SLC6A17: variants seen among roughly 807,000 people sequenced by gnomAD.
The protein encoded by SLC6A17 is sodium-dependent neutral amino acid transporter SLC6A17.
SLC6A17 carries 21 observed loss-of-function variants against 64.5 expected under a neutral mutation model. The observed-to-expected ratio is 0.33, with a 90% CI of 0.23 to 0.47. The LOEUF is 0.47. SLC6A17 is among the 20% of genes least tolerant of loss of function. The pLI is 1.00. For synonymous variants in SLC6A17, 372 were observed against 399.5 expected (o/e 0.93, Z 0.82); for missense variants, 682 against 963.2 (o/e 0.71, Z 3.86).
intron 11 of SLC6A17, 131 bp downstream of exon 11, chr1:110,197,730 C>T (rs1225335160): frequency 9.3e-7 from 1 of 1,077,542 alleles, no homozygotes; most frequent in East Asian, 2.6e-5. Context: ...CACACCTAAA[C>T]CGCAATCTTA....
chr1:110,200,279 C>T lies in SLC6A17; in HGVS notation c.*1835C>T, dbSNP rs1350079376. ...AGCTTCCCCTTTCTAGCCCCCTCTG[C>T]CCTACCTGTCTTTCCTGAGTGTTTG... On this transcript the variant is annotated 3_prime_UTR_variant, in exon 12 of 12. Coordinates refer to ENST00000331565, the MANE Select transcript of SLC6A17 (RefSeq NM_001010898.4). The T allele has an allele frequency of 1.3e-5, 5 of 393,404 alleles. No homozygotes were observed. Among genetic ancestry groups the T allele is most frequent in the African/African-American group, 2.1e-5 (1 of 48,304 alleles). 24.4% of individuals were successfully genotyped at this position (393,404 alleles called of 1,614,324 possible).
In SLC6A17 at chr1:110,198,280, C is replaced by T. The variant is rs895234152; in HGVS notation, c.2020C>T (p.Arg674Cys). The change falls in exon 12 of 12, where the codon CGC becomes TGC. Residue 674 changes from arginine to cysteine, a missense_variant. Around this residue, in one of 3 missense-constraint regions of SLC6A17, gnomAD observed 264 missense variants for 339.5 expected, o/e 0.78. Transcript: ENST00000331565. ...CAACCTGGAGGAGAACGATGAGACCCGCTTCATCCTCAGCAAGGTGCCCAG... is the reference window on the plus strand; with the variant it reads ...CAACCTGGAGGAGAACGATGAGACCTGCTTCATCCTCAGCAAGGTGCCCAG... ...ISNLEENDETRFILSKVPSEA... is the reference protein window; with the variant it reads ...ISNLEENDETCFILSKVPSEA... 1.2e-6 allele frequency: 2 copies of T among 1,614,166 alleles called. No homozygotes were observed. Among genetic ancestry groups the T allele is most frequent in the Non-Finnish European group, 1.7e-6 (2 of 1,180,028 alleles).
intron 2 of SLC6A17, among the ~76,000 whole-genome samples, chr1:110,171,657 A>C (rs1656228251): frequency 6.6e-6 from 1 of 151,366 alleles, no homozygotes. Flanking sequence ...CCCCCATGCC[A>C]TCTGGGGCTG....
At position 110,194,700 on chromosome 1, in the gene SLC6A17, T is replaced by C; in HGVS notation, c.1421T>C (p.Met474Thr). The change falls in exon 9 of 12, where the codon ATG (methionine) becomes ACG (threonine). Residue 474 changes from methionine to threonine, a missense_variant. Met to Thr is a moderately conservative substitution (Grantham distance 81, BLOSUM62 -1). Coordinates refer to ENST00000331565, the MANE Select transcript of SLC6A17 (RefSeq NM_001010898.4). Reference sequence around the variant, plus strand: ...CTTATCAACCTGGGCCTGGGCAGCATGATCGGGACCATGGCAGGCATCACC... The same window carrying C: ...CTTATCAACCTGGGCCTGGGCAGCACGATCGGGACCATGGCAGGCATCACC... ...LMLINLGLGS[M>T]IGTMAGITTP... 1 of 1,614,208 alleles carries C rather than the reference T, an allele frequency of 6.2e-7. No individual in the cohort carries two copies. Among genetic ancestry groups the C allele is most frequent in the South Asian group, 1.1e-5 (1 of 91,090 alleles).
At chr1:110,197,081 T>C (rs1306086289) in intron 10 of SLC6A17, among the ~76,000 whole-genome samples, 1 of 152,210 alleles carries the variant, frequency 6.6e-6, no homozygotes, top group African/African-American at 2.4e-5. Flanking sequence ...CTTCTACTGC[T>C]TTTCCAGCAG....
chr1:110,162,233 C>T (rs991197633), intron 1 of SLC6A17, among the ~76,000 whole-genome samples: 1 of 152,258 alleles, frequency 6.6e-6, no homozygotes, highest in African/African-American at 2.4e-5. Context: ...GCTGTCACCA[C>T]ATCTCTACCA....
In SLC6A17 at chr1:110,167,133, G is replaced by A. The variant is rs775918654; in HGVS notation, c.204G>A (p.Gln68=). 6.2e-7 allele frequency: 1 copy of A among 1,613,724 alleles called. No individual in the cohort carries two copies. The highest frequency in any genetic ancestry group is 1.7e-4 in the Middle Eastern group (1 of 6,058). ...EDRPAWNSKL[Q]YILAQIGFSV... ...GGCCGGCCTGGAACAGTAAGCTGCA[G>A]TACATCCTGGCCCAGATTGGCTTCT... Residue 68 remains glutamine (Q), a synonymous_variant, in exon 2 of 12, where the codon CAG becomes CAA. Transcript: ENST00000331565.
In SLC6A17 at chr1:110,167,072, A is replaced by C. The variant is rs752452451; in HGVS notation, c.143A>C (p.Gln48Pro). The C allele has an allele frequency of 1.7e-5, 27 of 1,610,708 alleles. No homozygotes were observed. The highest frequency in any genetic ancestry group is 2.7e-5 in the African/African-American group (2 of 74,556). Residue 48 changes from glutamine to proline, a missense_variant, in exon 2 of 12, where the codon CAG (glutamine) becomes CCG (proline). Physicochemically the swap from Gln to Pro is moderately conservative, Grantham distance 76. Coordinates refer to ENST00000331565, the MANE Select transcript of SLC6A17 (RefSeq NM_001010898.4). ...LNVAGEAGGK[Q>P]KAVEEELDAE... is the part of the protein sequence containing the mutation. Reference sequence around the variant, plus strand: ...GTGGCTGGTGAGGCAGGCGGCAAGCAGAAGGCGGTGGAGGAGGAGCTGGAT... The same window carrying C: ...GTGGCTGGTGAGGCAGGCGGCAAGCCGAAGGCGGTGGAGGAGGAGCTGGAT...
chr1:110,168,381 T>A (rs1656130935), intron 2 of SLC6A17, among the ~76,000 whole-genome samples: 1 of 152,220 alleles, frequency 6.6e-6, no homozygotes. Context: ...CTGGGAGGCT[T>A]CTCCTTTCCA....
intron 3 of SLC6A17, chr1:110,172,594 T>G: frequency 6.0e-6 from 1 of 166,374 alleles, no homozygotes; most frequent in Non-Finnish European, 1.3e-5. Flanking sequence ...TCCCTCCTCT[T>G]TCCTTGGTCA....
intron 6 of SLC6A17, among the ~76,000 whole-genome samples, chr1:110,182,150 G>C (rs1277744920): frequency 6.6e-6 from 1 of 152,200 alleles, no homozygotes; most frequent in Non-Finnish European, 1.5e-5. Context: ...AGTGATGAGA[G>C]TTGGTTCGAT....
At chr1:110,171,825 TCCTC>T (rs1306135092) in intron 2 of SLC6A17, among the ~76,000 whole-genome samples, 2 of 151,972 alleles carry the variant, frequency 1.3e-5, no homozygotes, top group African/African-American at 4.8e-5. Context: ...TACATACACT[TCCTC>T]CCTTAGTGTT....
intron 1 of SLC6A17, among the ~76,000 whole-genome samples, chr1:110,161,622 C>T (rs1655911796): frequency 6.6e-6 from 1 of 152,164 alleles, no homozygotes; most frequent in African/African-American, 2.4e-5. Flanking sequence ...ACTCACCTCC[C>T]CTGGGGAGTC....
chr1:110,198,727 G>A lies in SLC6A17; in HGVS notation c.*283G>A. 2.7e-6 allele frequency: 1 copy of A among 375,484 alleles called. No individual in the cohort carries two copies. 23.3% of individuals were successfully genotyped at this position (375,484 alleles called of 1,614,324 possible). ...CCATGTAATTGGAACAACCCATAAG[G>A]CCTGCTTCCCAGTCCATGGGAGATT... is the stretch of plus-strand genomic sequence containing the variant. On this transcript the variant is annotated 3_prime_UTR_variant, in exon 12 of 12. Coordinates refer to ENST00000331565, the MANE Select transcript of SLC6A17 (RefSeq NM_001010898.4).
At chr1:110,190,031 C>T (rs1040811280) in intron 6 of SLC6A17, among the ~76,000 whole-genome samples, 1 of 152,242 alleles carries the variant, frequency 6.6e-6, no homozygotes, top group African/African-American at 2.4e-5. Context: ...CTGATTGCTT[C>T]TATTCCCCAT....
chr1:110,174,732 C>G (rs1258051114), intron 4 of SLC6A17, 47 bp from the exon 5 acceptor site: 1 of 1,594,970 alleles, frequency 6.3e-7, no homozygotes, highest in African/African-American at 1.3e-5. Context: ...GGAAGTGACC[C>G]CATAGGCCCT....
In SLC6A17 at chr1:110,201,048, G is replaced by A. The variant is rs540365899; in HGVS notation, c.*2604G>A. 1 of 151,478 alleles carries A rather than the reference G, an allele frequency of 6.6e-6. No individual in the cohort carries two copies. The highest frequency in any genetic ancestry group is 6.6e-5 in the Admixed American group (1 of 15,264). The allele number at this position is 151,478 out of a possible 1,614,324, so 9.4% of individuals were successfully genotyped here. ...AGAAACAGGGAAGGAGGGCGTTAAGGGAAAAAAAAAATCCTCAAATTTATT... is the reference window on the plus strand; with the variant it reads ...AGAAACAGGGAAGGAGGGCGTTAAGAGAAAAAAAAAATCCTCAAATTTATT... On this transcript the variant is annotated 3_prime_UTR_variant, in exon 12 of 12. Coordinates refer to ENST00000331565, the MANE Select transcript of SLC6A17 (RefSeq NM_001010898.4).
At chr1:110,167,299 G>A in intron 2 of SLC6A17, 84 bp downstream of exon 2, 1 of 1,494,392 alleles carries the variant, frequency 6.7e-7, no homozygotes, top group Non-Finnish European at 8.9e-7. Context: ...CTTTGCTGAG[G>A]CAGAACTGGA....
At chr1:110,196,714 CTTTATT>C (rs1451867630) in intron 10 of SLC6A17, among the ~76,000 whole-genome samples, 2 of 152,156 alleles carry the variant, frequency 1.3e-5, no homozygotes, top group African/African-American at 2.4e-5. Context: ...TGTATGAGCA[CTTTATT>C]TTTAATGCAT....
Sources: allele counts gnomAD v4.1 joint callset (sites outside exome capture counted in the v4.1 genomes callset), GRCh38; gene constraint gnomAD v4.1.1; regional missense constraint gnomAD v4.1.1; transcripts MANE v1.5; gene names NCBI Gene and HGNC (gene_info 2026-07-23, HGNC 2026-07-21).